The following GTPBP1 variants were observed in gnomAD, a reference collection of about 807,000 sequenced individuals.
The protein encoded by GTPBP1 is GTP-binding protein 1.
A neutral mutation model predicts 62.0 loss-of-function variants in GTPBP1; 23 were observed. The observed-to-expected ratio is 0.37, with a 90% CI of 0.27 to 0.53. The LOEUF (loss-of-function observed/expected upper bound fraction) is 0.53, where lower values mean the gene tolerates loss of function less well. Among genes scored for constraint, GTPBP1 ranks in the 20% least tolerant of loss-of-function variants. The probability of loss-of-function intolerance (pLI) is 0.89; values close to 1 mark genes in which losing one functional copy is unlikely to be tolerated. For synonymous variants in GTPBP1, 344 were observed against 364.4 expected (o/e 0.94, Z 0.64); for missense variants, 640 against 917.3 (o/e 0.70, Z 3.90).
rs766075767 is a variant in GTPBP1, at chr22:38,726,296, C to T, written c.1257C>T (p.Gly419=). 1.7e-5 allele frequency: 28 copies of T among 1,613,882 alleles called. No individual in the cohort carries two copies. Among genetic ancestry groups the T allele is most frequent in the Non-Finnish European group, 2.3e-5 (27 of 1,180,006 alleles). ...TGGTTTCGGGGACAACACTGAGAGG[C>T]CTGATCAAGCTGAATGACACGCTGC... ...GTVVSGTTLR[G]LIKLNDTLLL... The change falls in exon 8 of 12, where the codon GGC becomes GGT. Residue 419 remains glycine, a synonymous_variant. Transcript: ENST00000216044. This position sits in a 1 kb window ranked among gnomAD's most constrained non-coding sequence, Gnocchi z 4.1.
chr22:38,710,262 T>C (rs1280251618), intron 2 of GTPBP1, among the ~76,000 whole-genome samples: 1 of 152,244 alleles, frequency 6.6e-6, no homozygotes, highest in South Asian at 2.1e-4. Context: ...AAGTATCTTC[T>C]AAGGCCTGCC....
At chr22:38,735,303 A>G (rs1336229385), downstream of GTPBP1, 1 of 450,646 alleles carries the variant, frequency 2.2e-6, no homozygotes, top group Non-Finnish European at 4.4e-6. Flanking sequence ...CCCCTACATC[A>G]GGGCCTGGTT....
downstream of GTPBP1, chr22:38,736,506 G>T: frequency 7.1e-6 from 5 of 703,542 alleles, no homozygotes; most frequent in Non-Finnish European, 9.0e-6. Context: ...CTGGGGCTCT[G>T]AAGAGAACCA....
chr22:38,712,861 C>T (rs906119205), intron 2 of GTPBP1, among the ~76,000 whole-genome samples: 2 of 152,154 alleles, frequency 1.3e-5, no homozygotes, highest in South Asian at 2.1e-4. Context: ...CTCACTTTGC[C>T]GTGCATTTAG....
downstream of GTPBP1, chr22:38,740,551 A>G (rs962007178): frequency 2.6e-6 from 3 of 1,144,490 alleles, no homozygotes; most frequent in South Asian, 6.0e-5. This position sits in a 1 kb window ranked among gnomAD's most constrained non-coding sequence, Gnocchi z 4.8. Flanking sequence ...CCCAGCACTC[A>G]TTGTGAACCT....
At chr22:38,723,167 A>G in intron 5 of GTPBP1, 1 of 840,516 alleles carries the variant, frequency 1.2e-6, no homozygotes. Context: ...ACTAAAAGCA[A>G]CAGTTTCTGT....
chr22:38,729,592 C>A lies in GTPBP1; in HGVS notation c.1847C>A (p.Pro616His). Reference protein sequence around the residue: ...GPSGGPAVGAPPPGDEASSVG... With the variant: ...GPSGGPAVGAHPPGDEASSVG... ...TCTGGTGGGCCAGCAGTAGGAGCACCCCCACCTGGAGATGAAGCCTCCTCT... is the reference window on the plus strand; with the variant it reads ...TCTGGTGGGCCAGCAGTAGGAGCACACCCACCTGGAGATGAAGCCTCCTCT... Residue 616 changes from proline to histidine, a missense_variant, in exon 11 of 12, where the codon CCC becomes CAC. Physicochemically the swap from Pro to His is moderately conservative, Grantham distance 77 (BLOSUM62 -2). This residue lies in a region of GTPBP1 where 117 missense variants were observed against 107.1 expected (regional missense o/e 1.09). Coordinates refer to ENST00000216044, the MANE Select transcript of GTPBP1 (RefSeq NM_004286.5). 1 of 1,571,590 alleles carries A rather than the reference C, an allele frequency of 6.4e-7. No homozygotes were observed. Among genetic ancestry groups the A allele is most frequent in the Non-Finnish European group, 8.6e-7 (1 of 1,160,810 alleles).
At chr22:38,739,092 C>T, downstream of GTPBP1, 1 of 1,204,484 alleles carries the variant, frequency 8.3e-7, no homozygotes, top group South Asian at 1.3e-5. The surrounding 1 kb of genome is among the most constrained non-coding windows in gnomAD (Gnocchi z 6.7). Context: ...ATGCCCCAGG[C>T]CTAGCCTTTA....
At chr22:38,739,062 T>C (rs1231055465), downstream of GTPBP1, 2 of 1,425,998 alleles carry the variant, frequency 1.4e-6, no homozygotes, top group Non-Finnish European at 1.9e-6. The surrounding 1 kb of genome is among the most constrained non-coding windows in gnomAD (Gnocchi z 6.7). Context: ...GGCTGTCTCC[T>C]CGCTGAAGGT....
At chr22:38,715,245 T>C (rs2073977462) in intron 2 of GTPBP1, among the ~76,000 whole-genome samples, 1 of 152,182 alleles carries the variant, frequency 6.6e-6, no homozygotes, top group African/African-American at 2.4e-5. Context: ...TACGGGTGTC[T>C]CAATGCCTGG....
At chr22:38,739,403 C>G (rs1381534935), downstream of GTPBP1, 2 of 1,613,142 alleles carry the variant, frequency 1.2e-6, no homozygotes, top group South Asian at 2.2e-5. The surrounding 1 kb of genome is among the most constrained non-coding windows in gnomAD (Gnocchi z 6.7). Flanking sequence ...GCTGCAGGGC[C>G]TGCTTCACGA....
rs2092730621 is a variant in GTPBP1, at chr22:38,727,109, T to G, written c.1402-104T>G. On this transcript the variant is annotated intron_variant, in intron 8 of 11. Transcript: ENST00000216044. The surrounding 1 kb of genome is among the most constrained non-coding windows in gnomAD (Gnocchi z 6.5). ...CAGTTGGTGAGGAAACCAGGCAGAG[T>G]TGGGGTGGTCCCTATCCCTAGAAAG... 1 of 1,132,320 alleles carries G rather than the reference T, an allele frequency of 8.8e-7. No individual in the cohort carries two copies. The highest frequency in any genetic ancestry group is 1.2e-6 in the Non-Finnish European group (1 of 815,976). The allele number at this position is 1,132,320 out of a possible 1,614,324, so 70.1% of individuals were successfully genotyped here.
downstream of GTPBP1, chr22:38,739,118 C>T (rs2092832571): frequency 2.0e-6 from 2 of 1,003,432 alleles, no homozygotes; most frequent in Admixed American, 4.1e-5. This position sits in a 1 kb window ranked among gnomAD's most constrained non-coding sequence, Gnocchi z 6.7. Flanking sequence ...AACCGAGATG[C>T]TCAGAGCAGC....
intron 4 of GTPBP1, among the ~76,000 whole-genome samples, chr22:38,719,670 T>A (rs1232558029): frequency 2.0e-5 from 3 of 150,672 alleles, no homozygotes; most frequent in Non-Finnish European, 4.4e-5. Context: ...ATAGTGGACA[T>A]GTCTTCATCC....
downstream of GTPBP1, chr22:38,740,709 C>G (rs924305791): frequency 2.2e-5 from 13 of 584,314 alleles, no homozygotes; most frequent in Non-Finnish European, 3.4e-5. This position sits in a 1 kb window ranked among gnomAD's most constrained non-coding sequence, Gnocchi z 4.8. Flanking sequence ...GCATGGACAT[C>G]TGGGGCATGA....
intron 5 of GTPBP1, 116 bp downstream of exon 5, chr22:38,721,981 T>A (rs1295997439): frequency 1.1e-5 from 6 of 545,876 alleles, no homozygotes; most frequent in Non-Finnish European, 1.8e-5. Context: ...TTTTTATTTT[T>A]ATTTTTTTAT....
chr22:38,711,740 G>A (rs2092641303), intron 2 of GTPBP1, among the ~76,000 whole-genome samples: 1 of 151,930 alleles, frequency 6.6e-6, no homozygotes, highest in South Asian at 2.1e-4. Flanking sequence ...CTACTCAGGA[G>A]GCTGAGGCAT....
In GTPBP1 at chr22:38,727,328, G is replaced by A; in HGVS notation, c.1517G>A (p.Ser506Asn). The part of the protein sequence containing the change: ...ILVLHHPTTI[S>N]PRYQAMVHCG... ...GTCCTCCACCACCCCACCACAATTAGCCCGCGCTACCAGGCCATGGGTAGG... is the reference window on the plus strand; with the variant it reads ...GTCCTCCACCACCCCACCACAATTAACCCGCGCTACCAGGCCATGGGTAGG... The change falls in exon 9 of 12, where the codon AGC becomes AAC. Residue 506 changes from serine (S) to asparagine (N), a missense_variant. This residue lies in a region of GTPBP1 where 220 missense variants were observed against 358.1 expected (regional missense o/e 0.61). Transcript: ENST00000216044. This position sits in a 1 kb window ranked among gnomAD's most constrained non-coding sequence, Gnocchi z 6.5. 1 of 1,585,676 alleles carries A rather than the reference G, an allele frequency of 6.3e-7. No homozygotes were observed. Among genetic ancestry groups the A allele is most frequent in the Non-Finnish European group, 8.6e-7 (1 of 1,165,286 alleles).
downstream of GTPBP1, chr22:38,740,392 G>C (rs552540669): frequency 1.2e-4 from 196 of 1,573,346 alleles, 4 homozygotes; most frequent in South Asian, 2.1e-3. This position sits in a 1 kb window ranked among gnomAD's most constrained non-coding sequence, Gnocchi z 4.8. Flanking sequence ...AGCCGCCTCA[G>C]CTCCTTCACA....
Sources: allele counts gnomAD v4.1 joint callset (sites outside exome capture counted in the v4.1 genomes callset), GRCh38; gene constraint gnomAD v4.1.1; regional missense constraint gnomAD v4.1.1; non-coding constraint Gnocchi (gnomAD v3.1); transcripts MANE v1.5; gene names NCBI Gene and HGNC (gene_info 2026-07-23, HGNC 2026-07-21).